Variants in PRRC2C observed in about 807,000 individuals in gnomAD.
PRRC2C encodes the protein protein PRRC2C.
In PRRC2C, 72 loss-of-function variants were observed where a neutral mutation model predicts 317.2. That is an observed-to-expected ratio of 0.23 (90% CI 0.19 to 0.28). The LOEUF (loss-of-function observed/expected upper bound fraction) is 0.28. PRRC2C is among the 10% of genes least tolerant of loss of function. The pLI, the probability that PRRC2C is intolerant of heterozygous loss-of-function variation, is 1.00. For synonymous variants in PRRC2C, 1,296 were observed against 1,205.9 expected, an observed-to-expected ratio of 1.07 and a Z score of -1.55; for missense variants, 3,074 against 3,459.7, an observed-to-expected ratio of 0.89 and a Z score of 2.80.
intron 1 of PRRC2C, among the ~76,000 whole-genome samples, chr1:171,509,069 G>T (rs974985409): frequency 6.6e-6 from 1 of 151,992 alleles, no homozygotes; most frequent in Non-Finnish European, 1.5e-5. Flanking sequence ...TGTATTTTTA[G>T]TAGAGACGGG....
intron 3 of PRRC2C, among the ~76,000 whole-genome samples, 187 bp from the exon 4 acceptor site, chr1:171,514,349 A>G (rs1158214460): frequency 6.6e-6 from 1 of 152,168 alleles, no homozygotes; most frequent in African/African-American, 2.4e-5. Flanking sequence ...AAAGGTAGAG[A>G]TGAAAGACGA....
rs755208085 is a variant in PRRC2C at position 171,535,469 on chromosome 1, G to A, written c.1915G>A (p.Glu639Lys). Residue 639 changes from glutamate (E) to lysine (K), a missense_variant, in exon 13 of 35, where the codon GAA becomes AAA. Coordinates refer to ENST00000647382, the MANE Select transcript of PRRC2C (RefSeq NM_001387844.1). ...CACTAGACAAGACAGCAATCGCAGT[G>A]AAAAGGAAGCCACACCAGTGGTGCA... is the stretch of plus-strand genomic sequence containing the variant. Reference protein sequence around the residue: ...VFTRQDSNRSEKEATPVVHET... With the variant: ...VFTRQDSNRSKKEATPVVHET... 6.2e-7 allele frequency: 1 copy of A among 1,613,914 alleles called. No individual in the cohort carries two copies. The highest frequency in any genetic ancestry group is 8.5e-7 in the Non-Finnish European group (1 of 1,179,854).
intron 12 of PRRC2C, among the ~76,000 whole-genome samples, chr1:171,533,318 G>T (rs751215672): frequency 6.6e-6 from 1 of 152,094 alleles, no homozygotes; most frequent in Non-Finnish European, 1.5e-5. Flanking sequence ...AACTGAACTG[G>T]CATAGAGCTT....
Position 171,551,866 on chromosome 1 carries a change from C to G in PRRC2C, c.5127+1626C>G, listed in dbSNP as rs191830333. ...ACCATGCTGTTTTGGTTACTGTAGA[C>G]TTGTAGTGTAGTTTGAAGTCAGGTA... On this transcript the variant is annotated intron_variant, in intron 18 of 34. Coordinates refer to ENST00000647382, the MANE Select transcript of PRRC2C (RefSeq NM_001387844.1). Among the ~76,000 whole-genome samples, 266 of 152,238 alleles carry G rather than the reference C, an allele frequency of 1.7e-3. 2 individuals carry two copies. The highest frequency in any genetic ancestry group is 6.0e-3 in the African/African-American group (250 of 41,534).
intron 17 of PRRC2C, among the ~76,000 whole-genome samples, chr1:171,549,124 A>G (rs1002091118): frequency 2.0e-5 from 3 of 152,262 alleles, no homozygotes; most frequent in Non-Finnish European, 4.4e-5. Context: ...ATTAAGAGTC[A>G]TAAGACCAGC....
intron 1 of PRRC2C, chr1:171,510,652 A>G (rs1000130173): frequency 2.0e-5 from 3 of 152,178 alleles, no homozygotes; most frequent in African/African-American, 2.4e-5. Context: ...AGCAAATTGT[A>G]TTAGTGTAGT....
Position 171,537,256 on chromosome 1 carries a change from G to T in PRRC2C, c.2294-7G>T. On this transcript the variant is annotated splice_polypyrimidine_tract_variant and splice_region_variant and intron_variant, in intron 14 of 34. Coordinates refer to ENST00000647382, the MANE Select transcript of PRRC2C (RefSeq NM_001387844.1). ...TCATTTCACCTTTTTCTGAACTTTT[G>T]TTACAGGAATGATTCCTCCTAAACC... 1.3e-6 allele frequency: 2 copies of T among 1,571,206 alleles called. No individual in the cohort carries two copies. Among genetic ancestry groups the T allele is most frequent in the Non-Finnish European group, 8.7e-7 (1 of 1,155,632 alleles).
chr1:171,536,307 C>T (rs931399096), intron 14 of PRRC2C, 29 bp downstream of exon 14: 1 of 1,594,302 alleles, frequency 6.3e-7, no homozygotes. Context: ...TATAGTTTTA[C>T]AGGATCAAAA....
At position 171,541,101 on chromosome 1, in the gene PRRC2C, G is replaced by T. The variant is rs750203323; in HGVS notation, c.3635G>T (p.Gly1212Val). ...GGTTCTTATGGAGGGCGTGGCAGGGGTGGTAGGGGACACACTCGAGATTAT... is the reference window on the plus strand; with the variant it reads ...GGTTCTTATGGAGGGCGTGGCAGGGTTGGTAGGGGACACACTCGAGATTAT... Reference protein sequence around the residue: ...YRGSYGGRGRGGRGHTRDYPQ... With the variant: ...YRGSYGGRGRVGRGHTRDYPQ... The change falls in exon 16 of 35, where the codon GGT becomes GTT. Residue 1212 changes from glycine to valine, a missense_variant. Gly to Val is a moderately radical substitution (Grantham distance 109). This residue lies in a region of PRRC2C where 1,320 missense variants were observed against 1,395.7 expected (regional missense o/e 0.95). Coordinates refer to ENST00000647382, the MANE Select transcript of PRRC2C (RefSeq NM_001387844.1). This position sits in a 1 kb window ranked among gnomAD's most constrained non-coding sequence, Gnocchi z 4.1. The T allele has an allele frequency of 3.1e-6, 5 of 1,613,914 alleles. No homozygotes were observed. The highest frequency in any genetic ancestry group is 8.5e-7 in the Non-Finnish European group (1 of 1,179,880).
chr1:171,525,507 G>T (rs1213921041), intron 10 of PRRC2C, among the ~76,000 whole-genome samples: 1 of 152,114 alleles, frequency 6.6e-6, no homozygotes, highest in South Asian at 2.1e-4. Context: ...TACTTTCAAG[G>T]GAGTCCACTT....
intron 6 of PRRC2C, among the ~76,000 whole-genome samples, chr1:171,518,237 A>T (rs1322990195): frequency 6.6e-6 from 1 of 152,212 alleles, no homozygotes; most frequent in African/African-American, 2.4e-5. Flanking sequence ...ACCATACCAC[A>T]GATTTATTTT....
intron 10 of PRRC2C, among the ~76,000 whole-genome samples, chr1:171,526,390 T>C (rs1024956533): frequency 1.3e-5 from 2 of 152,226 alleles, no homozygotes; most frequent in Admixed American, 1.3e-4. Flanking sequence ...CAGGCTGGAA[T>C]GGAGTTGCGC....
At chr1:171,563,411 A>G (rs765823945) in intron 20 of PRRC2C, among the ~76,000 whole-genome samples, 3 of 152,196 alleles carry the variant, frequency 2.0e-5, no homozygotes, top group Non-Finnish European at 4.4e-5. Flanking sequence ...CTGTTCTTGT[A>G]TAGCACTGAC....
At chr1:171,513,232 T>C in intron 3 of PRRC2C, 60 bp downstream of exon 3, 1 of 1,478,948 alleles carries the variant, frequency 6.8e-7, no homozygotes, top group Non-Finnish European at 9.1e-7. Flanking sequence ...GAACTTATGT[T>C]TGAGTACCTG....
At chr1:171,513,873 T>C (rs985175836) in intron 3 of PRRC2C, among the ~76,000 whole-genome samples, 12 of 152,236 alleles carry the variant, frequency 7.9e-5, no homozygotes, top group Non-Finnish European at 1.5e-5. Context: ...CGTAAATGCT[T>C]GTTAGCTGTA....
At chr1:171,571,100 G>A (rs756777535) in intron 23 of PRRC2C, among the ~76,000 whole-genome samples, 18 of 152,118 alleles carry the variant, frequency 1.2e-4, no homozygotes, top group Admixed American at 2.6e-4. Context: ...CCAACTTAAC[G>A]TATAAAAAGG....
chr1:171,586,063 A>ATTTTATTTTTTT (rs1649857261), intron 30 of PRRC2C, among the ~76,000 whole-genome samples: 1 of 83,032 alleles, frequency 1.2e-5, no homozygotes, highest in Non-Finnish European at 2.2e-5. Context: ...TCAGGTGTTG[A>ATTTTATTTTTTT]TTTTTTTTTT....
chr1:171,523,666 G>T, intron 9 of PRRC2C, 144 bp downstream of exon 9: 1 of 719,578 alleles, frequency 1.4e-6, no homozygotes, highest in Admixed American at 2.5e-5. Flanking sequence ...AATAGAGGGT[G>T]CTTAATGAGC....
chr1:171,488,209 A>G (rs1457386903), intron 1 of PRRC2C, among the ~76,000 whole-genome samples: 1 of 152,226 alleles, frequency 6.6e-6, no homozygotes, highest in Admixed American at 6.5e-5. Flanking sequence ...CATTGGTAAA[A>G]TGTTACATAA....
Sources: allele counts gnomAD v4.1 joint callset (sites outside exome capture counted in the v4.1 genomes callset), GRCh38; gene constraint gnomAD v4.1.1; regional missense constraint gnomAD v4.1.1; non-coding constraint Gnocchi (gnomAD v3.1); transcripts MANE v1.5; gene names NCBI Gene and HGNC (gene_info 2026-07-23, HGNC 2026-07-21).